Variants in PAM observed in about 807,000 individuals in gnomAD.
PAM encodes the protein peptidylglycine alpha-amidating monooxygenase.
In PAM, 72 loss-of-function variants were observed where a neutral mutation model predicts 122.1. That is an observed-to-expected ratio of 0.59 (90% CI 0.49 to 0.72). The LOEUF (loss-of-function observed/expected upper bound fraction) is 0.72, where lower values mean the gene tolerates loss of function less well. PAM is among the 30% of genes least tolerant of loss of function. PAM has a pLI of 0.00. For synonymous variants in PAM, 389 were observed against 404.4 expected, an observed-to-expected ratio of 0.96 and a Z score of 0.46; for missense variants, 1,106 against 1,183.7, an observed-to-expected ratio of 0.93 and a Z score of 0.96.
In PAM at chr5:102,847,542, G is replaced by T. The variant is rs76995632; in HGVS notation, c.-373-18281G>T. Among the ~76,000 whole-genome samples, 69 of 152,190 alleles carry T rather than the reference G, an allele frequency of 4.5e-4. 1 individual carries two copies. In the East Asian group the frequency reaches 0.012, roughly 26 times the overall value. On this transcript the variant is annotated intron_variant, in intron 1 of 25. Transcript: ENST00000438793. The stretch of plus-strand genomic sequence containing the variant: ...ATTTGCTTTGGTTGATGCAGTGAAT[G>T]CAACTCTTTATTTGGGAAAAAAAAA...
intron 1 of PAM, among the ~76,000 whole-genome samples, chr5:102,825,887 G>C (rs1773464183): frequency 6.6e-6 from 1 of 152,132 alleles, no homozygotes; most frequent in Non-Finnish European, 1.5e-5. Flanking sequence ...TCTAGAGTTA[G>C]AGTATTATGA....
At chr5:102,763,520 A>G (rs1753014118) in intron 1 of PAM, among the ~76,000 whole-genome samples, 1 of 152,194 alleles carries the variant, frequency 6.6e-6, no homozygotes. Context: ...ACAACAAATA[A>G]TTATGTATAA....
At chr5:102,866,837 TAGTTACAGAAA>T (rs1785727741) in intron 2 of PAM, 1 of 154,088 alleles carries the variant, frequency 6.5e-6, no homozygotes, top group Non-Finnish European at 1.4e-5. Flanking sequence ...ACACTGAAAA[TAGTTACAGAAA>T]TTTTTACTGG....
At chr5:103,024,993 AT>A in intron 23 of PAM, 137 bp from the exon 24 acceptor site, 1 of 613,446 alleles carries the variant, frequency 1.6e-6, no homozygotes, top group South Asian at 2.1e-5. Context: ...AGATTCAGGT[AT>A]TAAAACATGA....
chr5:103,017,806 C>A (rs541075539), intron 22 of PAM, among the ~76,000 whole-genome samples: 2 of 152,242 alleles, frequency 1.3e-5, no homozygotes, highest in African/African-American at 4.8e-5. Flanking sequence ...TGCTGAGCAT[C>A]TAGAGATACC....
intron 12 of PAM, among the ~76,000 whole-genome samples, chr5:102,957,511 T>C (rs1761137772): frequency 6.6e-6 from 1 of 151,920 alleles, no homozygotes; most frequent in South Asian, 2.1e-4. Flanking sequence ...GATTTTTGTT[T>C]GTTTGCTTTT....
chr5:102,881,958 A>G (rs1390922129), intron 3 of PAM, among the ~76,000 whole-genome samples: 2 of 148,812 alleles, frequency 1.3e-5, no homozygotes, highest in African/African-American at 4.9e-5. Flanking sequence ...TTCCTTAGTT[A>G]CTTCACTTGG....
At chr5:102,855,602 G>T (rs1782431875) in intron 1 of PAM, among the ~76,000 whole-genome samples, 2 of 152,056 alleles carry the variant, frequency 1.3e-5, no homozygotes, top group Non-Finnish European at 2.9e-5. Flanking sequence ...GTCTGAGCTG[G>T]TTTTTGCATG....
At chr5:102,908,774 A>G (rs1800481553) in intron 4 of PAM, among the ~76,000 whole-genome samples, 1 of 151,692 alleles carries the variant, frequency 6.6e-6, no homozygotes, top group Non-Finnish European at 1.5e-5. Flanking sequence ...GAAAAAAAAA[A>G]TGTTCCAGGA....
At chr5:102,866,978 A>G (rs1297168218) in intron 2 of PAM, among the ~76,000 whole-genome samples, 2 of 152,194 alleles carry the variant, frequency 1.3e-5, no homozygotes, top group South Asian at 2.1e-4. Flanking sequence ...TTTATATGAC[A>G]TAATTTTTTA....
intron 22 of PAM, 147 bp from the exon 23 acceptor site, chr5:103,019,643 T>G: frequency 1.6e-6 from 1 of 621,488 alleles, no homozygotes; most frequent in Admixed American, 2.7e-5. Context: ...TAATTAGTGG[T>G]TTGTATTGAA....
chr5:102,960,690 G>T (rs1314837646), intron 13 of PAM, among the ~76,000 whole-genome samples: 1 of 151,618 alleles, frequency 6.6e-6, no homozygotes, highest in Non-Finnish European at 1.5e-5. Context: ...ATTGAGTTTT[G>T]CAAGTTCAGT....
At chr5:102,969,199 G>T (rs768353049) in intron 14 of PAM, among the ~76,000 whole-genome samples, 7 of 150,952 alleles carry the variant, frequency 4.6e-5, no homozygotes, top group Non-Finnish European at 1.0e-4. Context: ...TAACAAACCT[G>T]CACATTCTGC....
intron 7 of PAM, among the ~76,000 whole-genome samples, chr5:102,936,287 T>G (rs1024602515): frequency 2.0e-5 from 3 of 152,066 alleles, no homozygotes; most frequent in African/African-American, 4.8e-5. Context: ...AAGTCAAAGT[T>G]CTGTCTATTA....
At chr5:102,782,004 G>A (rs1759074496) in intron 1 of PAM, among the ~76,000 whole-genome samples, 1 of 152,204 alleles carries the variant, frequency 6.6e-6, no homozygotes, top group Non-Finnish European at 1.5e-5. Context: ...CCAGTCTGCA[G>A]TCCACATCCG....
At chr5:103,025,517 A>G (rs1047493794) in intron 24 of PAM, 183 bp downstream of exon 24, 2 of 628,100 alleles carry the variant, frequency 3.2e-6, no homozygotes, top group African/African-American at 3.7e-5. Flanking sequence ...ATCACAGTAC[A>G]AAATAGTATC....
intron 1 of PAM, among the ~76,000 whole-genome samples, chr5:102,785,397 A>G (rs1760238732): frequency 6.6e-6 from 1 of 152,262 alleles, no homozygotes; most frequent in Non-Finnish European, 1.5e-5. Context: ...GTTTTACAAA[A>G]GAACTTTGGT....
rs1366227109 is a variant in PAM, at chr5:102,961,093, A to G, written c.1091-65A>G. 2.6e-5 allele frequency: 21 copies of G among 812,070 alleles called. No homozygotes were observed. The East Asian group carries it at 4.5e-4, about 17-fold the overall frequency. The allele number at this position is 812,070 out of a possible 1,614,324, so 50.3% of individuals were successfully genotyped here. Reference sequence around the variant, plus strand: ...TTTTTATGTTGATGGACTATTTCCAATAAACTATTTTAAGTATGTAATACA... The same window carrying G: ...TTTTTATGTTGATGGACTATTTCCAGTAAACTATTTTAAGTATGTAATACA... On this transcript the variant is annotated intron_variant, in intron 13 of 25. Transcript: ENST00000438793.
chr5:102,896,802 T>C (rs558901895), intron 3 of PAM, among the ~76,000 whole-genome samples: 1 of 151,828 alleles, frequency 6.6e-6, no homozygotes, highest in South Asian at 2.1e-4. Context: ...ATTTTATCTG[T>C]TATTAAGTGT....
Sources: allele counts gnomAD v4.1 joint callset (sites outside exome capture counted in the v4.1 genomes callset), GRCh38; gene constraint gnomAD v4.1.1; transcripts MANE v1.5; gene names NCBI Gene and HGNC (gene_info 2026-07-23, HGNC 2026-07-21).